CELF4: variants seen among roughly 807,000 people sequenced by gnomAD.
CELF4 encodes the protein CUG-BP- and ETR-3-like factor 4.
A neutral mutation model predicts 59.9 loss-of-function variants in CELF4; 18 were observed. The ratio of observed to expected loss-of-function variants is 0.30; its 90% confidence interval spans 0.21 to 0.45. CELF4 has a LOEUF of 0.45. CELF4 is among the 20% of genes least tolerant of loss of function. The pLI, the probability that CELF4 is intolerant of heterozygous loss-of-function variation, is 1.00. For synonymous variants in CELF4, 261 were observed against 267.1 expected (o/e 0.98, Z 0.22); for missense variants, 456 against 689.0 (o/e 0.66, Z 3.79).
chr18:37,337,077 TC>T (rs1297423915), intron 2 of CELF4, among the ~76,000 whole-genome samples: 1 of 152,022 alleles, frequency 6.6e-6, no homozygotes, highest in Non-Finnish European at 1.5e-5. Flanking sequence ...CCATGCTACA[TC>T]CTTTCTGCTC....
intron 2 of CELF4, among the ~76,000 whole-genome samples, chr18:37,439,066 A>G (rs1173144326): frequency 1.3e-5 from 2 of 152,106 alleles, no homozygotes; most frequent in African/African-American, 2.4e-5. Context: ...TGATGCTGGA[A>G]CTGCAGAGGG....
At chr18:37,370,549 G>A (rs1363185291) in intron 2 of CELF4, among the ~76,000 whole-genome samples, 3 of 152,166 alleles carry the variant, frequency 2.0e-5, no homozygotes, top group Non-Finnish European at 4.4e-5. Flanking sequence ...CAGTTTATCT[G>A]CCTATGATGA....
chr18:37,302,436 C>T (rs1402398019), intron 3 of CELF4, among the ~76,000 whole-genome samples: 1 of 152,208 alleles, frequency 6.6e-6, no homozygotes, highest in African/African-American at 2.4e-5. Context: ...ATTATCGCCC[C>T]CAACATCAGC....
chr18:37,336,562 C>T (rs781016709), intron 2 of CELF4, among the ~76,000 whole-genome samples: 2 of 152,200 alleles, frequency 1.3e-5, no homozygotes, highest in African/African-American at 4.8e-5. Context: ...TGTCCACCTG[C>T]CATTTCCAAA....
At chr18:37,416,380 G>C (rs182215554) in intron 2 of CELF4, among the ~76,000 whole-genome samples, 1 of 152,280 alleles carries the variant, frequency 6.6e-6, no homozygotes, top group East Asian at 1.9e-4. Flanking sequence ...ACCTCCAGGA[G>C]CCCCAGCTTT....
intron 2 of CELF4, among the ~76,000 whole-genome samples, chr18:37,356,838 G>A (rs2098595801): frequency 6.6e-6 from 1 of 152,196 alleles, no homozygotes; most frequent in Non-Finnish European, 1.5e-5. Flanking sequence ...CCGGCAGCCT[G>A]GGTTTATGCC....
intron 1 of CELF4, among the ~76,000 whole-genome samples, chr18:37,552,755 T>C (rs1603644021): frequency 1.3e-5 from 2 of 152,230 alleles, no homozygotes; most frequent in African/African-American, 4.8e-5. Flanking sequence ...TTCTGCTGGC[T>C]CCAGCTGGAT....
At chr18:37,558,970 T>C (rs1269629917) in intron 1 of CELF4, among the ~76,000 whole-genome samples, 1 of 151,478 alleles carries the variant, frequency 6.6e-6, no homozygotes, top group East Asian at 1.9e-4. Flanking sequence ...CTAAAATGAG[T>C]CAGTGGGTGA....
intron 2 of CELF4, among the ~76,000 whole-genome samples, chr18:37,339,702 C>G (rs1412180958): frequency 3.3e-5 from 5 of 149,752 alleles, no homozygotes; most frequent in Non-Finnish European, 7.4e-5. Flanking sequence ...TGCAGTGAGC[C>G]GAGATCGCAC....
chr18:37,467,630 A>G (rs1402243764), intron 2 of CELF4, among the ~76,000 whole-genome samples: 1 of 152,186 alleles, frequency 6.6e-6, no homozygotes, highest in Non-Finnish European at 1.5e-5. Context: ...GTCAAAGAGG[A>G]GTCCCAGCCT....
chr18:37,532,704 G>A (rs1269634627), intron 1 of CELF4, among the ~76,000 whole-genome samples: 1 of 152,102 alleles, frequency 6.6e-6, no homozygotes, highest in Non-Finnish European at 1.5e-5. Context: ...GTTGTCTATA[G>A]AAGTAACAGC....
At chr18:37,556,105 CT>C (rs2099984715) in intron 1 of CELF4, among the ~76,000 whole-genome samples, 1 of 152,104 alleles carries the variant, frequency 6.6e-6, no homozygotes, top group South Asian at 2.1e-4. Context: ...CTTTAGATGC[CT>C]CTTGTCTCCG....
At position 37,363,202 on chromosome 18, in the gene CELF4, G is replaced by A. The variant is rs115647413; in HGVS notation, c.370-41321C>T. ...GTGGGGAGGGGACGAGGGTGGGGGA[G>A]GTTAGGAGGTGCTGAGTAGGCTTTC... On this transcript the variant is annotated intron_variant, in intron 2 of 12. Transcript: ENST00000420428. Among the ~76,000 whole-genome samples the A allele has an allele frequency of 5.5e-3, 844 of 152,222 alleles. 10 individuals carry two copies. Among genetic ancestry groups the A allele is most frequent in the African/African-American group, 0.019 (807 of 41,516 alleles).
intron 1 of CELF4, among the ~76,000 whole-genome samples, chr18:37,519,998 A>G (rs2099955447): frequency 6.6e-6 from 1 of 152,122 alleles, no homozygotes. Context: ...AGCTGTTGTC[A>G]CTTAGGCACC....
chr18:37,520,267 A>C (rs1203193162), intron 1 of CELF4, among the ~76,000 whole-genome samples: 2 of 152,146 alleles, frequency 1.3e-5, no homozygotes, highest in Non-Finnish European at 2.9e-5. Context: ...CCAGGGGAGC[A>C]GGGGTCCAGG....
intron 11 of CELF4, among the ~76,000 whole-genome samples, chr18:37,255,636 A>G (rs2068821521): frequency 6.6e-6 from 1 of 151,922 alleles, no homozygotes. Flanking sequence ...AAGTTACGTC[A>G]AGTAAAAGTC....
intron 1 of CELF4, among the ~76,000 whole-genome samples, chr18:37,511,123 C>G (rs59979474): frequency 0.18 from 27,505 of 152,166 alleles, 2,628 homozygotes; most frequent in South Asian, 0.24. Context: ...GGAGGATGGT[C>G]TCTTTCAGGA....
At chr18:37,251,030 G>A (rs2065159007) in intron 12 of CELF4, among the ~76,000 whole-genome samples, 1 of 152,086 alleles carries the variant, frequency 6.6e-6, no homozygotes, top group Admixed American at 6.5e-5. Flanking sequence ...GTAGGGTGGG[G>A]CTTCTCATTC....
chr18:37,366,647 G>A (rs982463153), intron 2 of CELF4, among the ~76,000 whole-genome samples: 3 of 152,158 alleles, frequency 2.0e-5, no homozygotes, highest in Non-Finnish European at 4.4e-5. Flanking sequence ...TGTATGAGAA[G>A]CCCCTGATCT....
Sources: gnomAD v4.1 joint callset for allele counts (sites outside exome capture counted in the v4.1 genomes callset) on GRCh38, gnomAD v4.1.1 for gene constraint, MANE v1.5 for transcripts, NCBI Gene and HGNC (gene_info 2026-07-23, HGNC 2026-07-21) for gene names.